The following GLB1L3 variants were observed in gnomAD, a reference collection of about 807,000 sequenced individuals.
The protein encoded by GLB1L3 is galactosidase beta 1 like 3.
Under a neutral mutation model 89.5 loss-of-function variants are expected in GLB1L3, and 89 were observed. The observed-to-expected ratio is 0.99, with a 90% CI of 0.84 to 1.19. The LOEUF (loss-of-function observed/expected upper bound fraction) is 1.19. GLB1L3 is among the 50% of genes most tolerant of loss of function. The pLI, the probability that GLB1L3 is intolerant of heterozygous loss-of-function variation, is 0.00. For missense variants in GLB1L3, 812 were observed against 813.3 expected, an observed-to-expected ratio of 1.00 and a Z score of 0.02; for synonymous variants, 314 against 312.3, an observed-to-expected ratio of 1.01 and a Z score of -0.06.
chr11:134,319,871 CAG>C (rs1943140948), downstream of GLB1L3, among the ~76,000 whole-genome samples: 1 of 152,078 alleles, frequency 6.6e-6, no homozygotes, highest in Admixed American at 6.6e-5. Flanking sequence ...CACATCTAAT[CAG>C]AGAAGGAACA....
At chr11:134,277,164 G>A (rs1940414025) in intron 1 of GLB1L3, 162 bp from the exon 2 acceptor site, 2 of 829,214 alleles carry the variant, frequency 2.4e-6, no homozygotes, top group Non-Finnish European at 4.0e-6. Context: ...GCCGGGTGAT[G>A]CCGCGCTGTC....
chr11:134,287,224 G>A (rs1362762678), intron 6 of GLB1L3: 1 of 152,218 alleles, frequency 6.6e-6, no homozygotes, highest in Admixed American at 6.5e-5. Flanking sequence ...AAGCACAAAT[G>A]CCGTTCACAG....
At chr11:134,314,290 A>G in intron 17 of GLB1L3, 40 bp from the exon 18 acceptor site, 1 of 1,389,308 alleles carries the variant, frequency 7.2e-7, no homozygotes, top group Non-Finnish European at 9.9e-7. Flanking sequence ...TGGGTTGGGA[A>G]GGGGACTTCT....
At chr11:134,288,250 G>A (rs990863654) in intron 6 of GLB1L3, among the ~76,000 whole-genome samples, 1 of 151,072 alleles carries the variant, frequency 6.6e-6, no homozygotes, top group African/African-American at 2.4e-5. Flanking sequence ...TCTAGGAAGT[G>A]TGGCTCTTAA....
At position 134,318,801 on chromosome 11, in the gene GLB1L3, T is replaced by G. The variant is rs535527189; in HGVS notation, c.1896+54T>G. 142 of 1,530,914 alleles carry G rather than the reference T, an allele frequency of 9.3e-5. 5 individuals are homozygous for G. In the South Asian group the frequency reaches 1.5e-3, roughly 16 times the overall value. The allele number at this position is 1,530,914 out of a possible 1,614,324, so 94.8% of individuals were successfully genotyped here. On this transcript the variant is annotated intron_variant, in intron 19 of 19. Coordinates refer to ENST00000431683, the MANE Select transcript of GLB1L3 (RefSeq NM_001080407.3). ...TCTCATAAACTTTCAGATCAAAATG[T>G]GAGTTGCAGTGTCTTTTTCAACCTG...
chr11:134,290,174 C>T (rs968229068), intron 7 of GLB1L3, among the ~76,000 whole-genome samples: 6 of 148,338 alleles, frequency 4.0e-5, no homozygotes, highest in African/African-American at 1.5e-4. Context: ...TGTGTTCAGC[C>T]AGCATTATTT....
At chr11:134,303,680 A>G (rs554334180) in intron 9 of GLB1L3, among the ~76,000 whole-genome samples, 2 of 152,192 alleles carry the variant, frequency 1.3e-5, no homozygotes, top group Non-Finnish European at 2.9e-5. Flanking sequence ...CTATCTTTTT[A>G]AAACTCTAAA....
At chr11:134,302,705 A>AT (rs1381663963) in intron 9 of GLB1L3, among the ~76,000 whole-genome samples, 6 of 151,930 alleles carry the variant, frequency 3.9e-5, no homozygotes, top group Non-Finnish European at 4.4e-5. Context: ...TTTAGGTGTG[A>AT]TTCTTTATTT....
At position 134,293,280 on chromosome 11, in the gene GLB1L3, A is replaced by G. The variant is rs867133204; in HGVS notation, c.876+71A>G. The G allele has an allele frequency of 6.9e-5, 88 of 1,280,364 alleles. 1 individual carries two copies. The Middle Eastern group carries it at 2.4e-3, about 35-fold the overall frequency. The allele number at this position is 1,280,364 out of a possible 1,614,324, so 79.3% of individuals were successfully genotyped here. On this transcript the variant is annotated intron_variant, in intron 9 of 19. Coordinates refer to ENST00000431683, the MANE Select transcript of GLB1L3 (RefSeq NM_001080407.3). ...GACCTCCCTTGCCTATGTAGCTGGT[A>G]TTCCGTGAAAACAGGTTTGACAAGA...
At chr11:134,294,237 T>A (rs1354146248) in intron 9 of GLB1L3, among the ~76,000 whole-genome samples, 1 of 152,082 alleles carries the variant, frequency 6.6e-6, no homozygotes, top group African/African-American at 2.4e-5. Context: ...CAGCTAATTT[T>A]TGTACTTTTT....
intron 3 of GLB1L3, among the ~76,000 whole-genome samples, chr11:134,279,404 T>C (rs1364389210): frequency 2.0e-5 from 3 of 149,254 alleles, no homozygotes; most frequent in Admixed American, 6.8e-5. Flanking sequence ...TCTTGCTCTG[T>C]TGCCCAGGCT....
downstream of GLB1L3, among the ~76,000 whole-genome samples, chr11:134,320,067 G>GA (rs1283845799): frequency 1.3e-5 from 2 of 151,978 alleles, no homozygotes; most frequent in Admixed American, 6.5e-5. Flanking sequence ...GGAGCCATTT[G>GA]AAAAAAATGG....
rs751375986 is a variant in GLB1L3 at position 134,277,863 on chromosome 11, AGGGACC to A, written c.315_320del (p.Arg105_Arg107delinsSer). On this transcript the variant is annotated inframe_deletion, in exon 3 of 20. Transcript: ENST00000431683. ...TTTCCGGGTGCCCAGGGAGTACTGG[AGGGACC>A]GCCTGCTGAAGCTGAAGGCCTGTGG... The A allele has an allele frequency of 8.1e-6, 13 of 1,613,884 alleles. No homozygotes were observed. Among genetic ancestry groups the A allele is most frequent in the African/African-American group, 1.3e-5 (1 of 74,876 alleles).
chr11:134,304,340 G>A (rs998924335), intron 9 of GLB1L3, among the ~76,000 whole-genome samples: 33 of 152,184 alleles, frequency 2.2e-4, no homozygotes, highest in African/African-American at 7.5e-4. Flanking sequence ...TCAATGAGTG[G>A]GTTCGTCCAA....
At chr11:134,313,573 C>A in intron 16 of GLB1L3, 99 bp downstream of exon 16, 2 of 1,019,692 alleles carry the variant, frequency 2.0e-6, no homozygotes, top group Non-Finnish European at 3.0e-6. Flanking sequence ...ACCAGCCGCT[C>A]AGCAGTGGGC....
intron 18 of GLB1L3, among the ~76,000 whole-genome samples, chr11:134,317,860 A>G (rs899864742): frequency 6.6e-6 from 1 of 152,154 alleles, no homozygotes; most frequent in Admixed American, 6.5e-5. Context: ...TGTATGTTGT[A>G]TATACATTTT....
intron 10 of GLB1L3, among the ~76,000 whole-genome samples, chr11:134,308,461 CCACCACCACCAAA>C (rs1942469693): frequency 1.2e-4 from 3 of 24,112 alleles, no homozygotes; most frequent in African/African-American, 2.5e-4. Flanking sequence ...ACCACCACCA[CCACCACCACCAAA>C]TACCACCACC....
chr11:134,302,451 T>C (rs1009872297), intron 9 of GLB1L3, among the ~76,000 whole-genome samples: 1 of 152,230 alleles, frequency 6.6e-6, no homozygotes, highest in Non-Finnish European at 1.5e-5. Flanking sequence ...TTCACAATTT[T>C]GTTATTCACT....
intron 6 of GLB1L3, chr11:134,287,474 T>G (rs1941082330): frequency 6.6e-6 from 1 of 152,268 alleles, no homozygotes; most frequent in Non-Finnish European, 1.5e-5. Flanking sequence ...AGTGCATTAC[T>G]GGTTTACTTG....
Sources: allele counts gnomAD v4.1 joint callset (sites outside exome capture counted in the v4.1 genomes callset), GRCh38; gene constraint gnomAD v4.1.1; transcripts MANE v1.5; gene names NCBI Gene and HGNC (gene_info 2026-07-23, HGNC 2026-07-21).